Variants in AFF2 observed in about 807,000 individuals in gnomAD.
AFF2 encodes the protein ALF transcription elongation factor 2, also known as AF4/FMR2 family member 2.
Under a neutral mutation model 76.9 loss-of-function variants are expected in AFF2, and 14 were observed. The observed-to-expected ratio is 0.18, with a 90% CI of 0.12 to 0.28. The LOEUF (loss-of-function observed/expected upper bound fraction) is 0.28, where lower values mean the gene tolerates loss of function less well. Ranked by LOEUF, AFF2 falls within the 10% of genes least tolerant of loss-of-function variation. The probability of loss-of-function intolerance (pLI) is 1.00; values close to 1 mark genes in which losing one functional copy is unlikely to be tolerated. For missense variants in AFF2, 868 were observed against 1,001.1 expected (o/e 0.87, Z 1.79); for synonymous variants, 398 against 366.7 (o/e 1.09, Z -0.98).
At chrX:148,828,587 T>C (rs2070415766) in intron 4 of AFF2, among the ~76,000 whole-genome samples, 1 of 111,939 alleles carries the variant, frequency 8.9e-6, no homozygotes, top group Admixed American at 9.5e-5. Flanking sequence ...ATACCATTAG[T>C]TGGATGGGCC....
intron 3 of AFF2, among the ~76,000 whole-genome samples, chrX:148,803,766 G>A (rs994325707): frequency 9.0e-6 from 1 of 110,871 alleles, no homozygotes; most frequent in Non-Finnish European, 1.9e-5. Context: ...GCATTCCACC[G>A]TTGCCCATAC....
chrX:148,614,712 T>TCTTC, intron 1 of AFF2, among the ~76,000 whole-genome samples: 1 of 43,295 alleles, frequency 2.3e-5, no homozygotes, highest in South Asian at 9.0e-4. Context: ...TTTCTTTCTT[T>TCTTC]CTTTCTTTCT....
chrX:148,628,533 G>A (rs1228600102), intron 1 of AFF2, among the ~76,000 whole-genome samples: 2 of 107,055 alleles, frequency 1.9e-5, no homozygotes, highest in African/African-American at 3.4e-5. Flanking sequence ...TGAACACTTG[G>A]CATTATAAAA....
chrX:148,523,645 C>CA (rs1334913403), intron 1 of AFF2, among the ~76,000 whole-genome samples: 1 of 112,012 alleles, frequency 8.9e-6, no homozygotes, highest in Non-Finnish European at 1.9e-5. Context: ...TGATTTCATG[C>CA]AAAAAAATTT....
chrX:148,613,260 A>C (rs1557249744), intron 1 of AFF2, among the ~76,000 whole-genome samples: 1 of 112,035 alleles, frequency 8.9e-6, no homozygotes, highest in East Asian at 2.8e-4. Context: ...GATGGCATCC[A>C]CAGGGAGGCC....
chrX:148,710,914 C>T (rs1369110061), intron 3 of AFF2, among the ~76,000 whole-genome samples: 1 of 111,497 alleles, frequency 9.0e-6, no homozygotes, highest in Non-Finnish European at 1.9e-5. Flanking sequence ...TTAAAAATAA[C>T]GGCTGGACTG....
chrX:148,793,029 A>G (rs938054010), intron 3 of AFF2, among the ~76,000 whole-genome samples: 1 of 111,739 alleles, frequency 8.9e-6, no homozygotes, highest in Middle Eastern at 4.2e-3. Context: ...CTTACAAAAT[A>G]GGTTTATTCA....
chrX:148,773,019 C>T (rs1224256065), intron 3 of AFF2, among the ~76,000 whole-genome samples: 5 of 108,957 alleles, frequency 4.6e-5, no homozygotes, highest in African/African-American at 6.7e-5. Flanking sequence ...CAAATCTGCA[C>T]GTGCTGCATA....
chrX:148,882,897 T>G (rs1274893310), intron 7 of AFF2, among the ~76,000 whole-genome samples: 3 of 111,914 alleles, frequency 2.7e-5, no homozygotes, highest in Non-Finnish European at 3.8e-5. Context: ...TCCTAGTTAC[T>G]TCTTTGACTT....
At chrX:148,884,432 A>G (rs1343478847) in intron 7 of AFF2, among the ~76,000 whole-genome samples, 1 of 112,291 alleles carries the variant, frequency 8.9e-6, no homozygotes, top group Non-Finnish European at 1.9e-5. Flanking sequence ...ATTTGAACAT[A>G]ACCTCTGAAG....
chrX:148,544,415 A>ACT (rs781928563), intron 1 of AFF2, among the ~76,000 whole-genome samples: 139 of 106,040 alleles, frequency 1.3e-3, no homozygotes, highest in African/African-American at 3.2e-3. Context: ...CCCTGCTTTC[A>ACT]CTCTCTCTCT....
At chrX:148,983,959 A>AAAAAAAAAAAAAAAAC (rs2072429292) in intron 19 of AFF2, among the ~76,000 whole-genome samples, 1 of 99,932 alleles carries the variant, frequency 1.0e-5, no homozygotes, top group African/African-American at 3.6e-5. Flanking sequence ...TAGACAAAAA[A>AAAAAAAAAAAAAAAAC]AAAAAAAAAC....
intron 3 of AFF2, among the ~76,000 whole-genome samples, chrX:148,748,680 G>T (rs1557266259): frequency 9.0e-6 from 1 of 111,497 alleles, no homozygotes; most frequent in Non-Finnish European, 1.9e-5. Flanking sequence ...TACCTTGACT[G>T]GGGGGCTCAG....
chrX:148,852,520 T>A (rs183869777), intron 7 of AFF2, among the ~76,000 whole-genome samples: 103 of 110,343 alleles, frequency 9.3e-4, no homozygotes, highest in Non-Finnish European at 1.6e-3. Flanking sequence ...GGAAATTGTC[T>A]AGGCCATCTA....
At chrX:148,823,672 G>T (rs189436882) in intron 4 of AFF2, among the ~76,000 whole-genome samples, 2 of 111,938 alleles carry the variant, frequency 1.8e-5, no homozygotes, top group East Asian at 5.7e-4. Context: ...TCTAGACTGT[G>T]TTTAGAGTAT....
chrX:148,673,980 C>CT (rs1482690144), intron 3 of AFF2, among the ~76,000 whole-genome samples: 4 of 112,241 alleles, frequency 3.6e-5, no homozygotes, highest in Admixed American at 9.4e-5. Flanking sequence ...TACAAATTGA[C>CT]TTTTTTGTGA....
At chrX:148,555,958 T>C (rs1205084588) in intron 1 of AFF2, among the ~76,000 whole-genome samples, 3 of 112,162 alleles carry the variant, frequency 2.7e-5, no homozygotes, top group Non-Finnish European at 5.6e-5. Flanking sequence ...TACAACTGAT[T>C]TCAAATGTGG....
At position 148,955,789 on chromosome X, in the gene AFF2, G is replaced by A; in HGVS notation, c.1744G>A (p.Glu582Lys). 8.3e-7 allele frequency: 1 copy of A among 1,211,494 alleles called. No individual in the cohort carries two copies. Among genetic ancestry groups the A allele is most frequent in the Non-Finnish European group, 1.1e-6 (1 of 895,453 alleles). Residue 582 changes from glutamate (E) to lysine (K), a missense_variant, in exon 11 of 21, where the codon GAA becomes AAA. Physicochemically the swap from Glu to Lys is moderately conservative, Grantham distance 56. Around this residue, in one of 6 missense-constraint regions of AFF2, gnomAD observed 532 missense variants for 564.2 expected, o/e 0.94. Coordinates refer to ENST00000370460, the MANE Select transcript of AFF2 (RefSeq NM_002025.4). Reference protein sequence around the residue: ...VKTNASQVPAEPKERPLLSLI... With the variant: ...VKTNASQVPAKPKERPLLSLI... Reference sequence around the variant, plus strand: ...GACGAATGCCAGTCAGGTCCCAGCTGAACCCAAAGAAAGGCCTCTCCTCAG... The same window carrying A: ...GACGAATGCCAGTCAGGTCCCAGCTAAACCCAAAGAAAGGCCTCTCCTCAG...
intron 4 of AFF2, among the ~76,000 whole-genome samples, chrX:148,820,398 A>C (rs2070314325): frequency 8.9e-6 from 1 of 111,926 alleles, no homozygotes; most frequent in Non-Finnish European, 1.9e-5. Context: ...TATTCATTAC[A>C]CAATTCTTTG....
Sources: gnomAD v4.1 joint callset for allele counts (sites outside exome capture counted in the v4.1 genomes callset) on GRCh38, gnomAD v4.1.1 for gene constraint, gnomAD v4.1.1 regional missense constraint, MANE v1.5 for transcripts, NCBI Gene and HGNC (gene_info 2026-07-23, HGNC 2026-07-21) for gene names.